The following COL18A1 variants were observed in gnomAD, a reference collection of about 807,000 sequenced individuals.
The protein encoded by COL18A1 is collagen type XVIII alpha 1 chain.
In COL18A1, 133 loss-of-function variants were observed where a neutral mutation model predicts 168.0. The observed-to-expected ratio is 0.79, with a 90% CI of 0.69 to 0.91. The LOEUF (loss-of-function observed/expected upper bound fraction) is 0.91, where lower values mean the gene tolerates loss of function less well. Among genes scored for constraint, COL18A1 ranks in the 40% least tolerant of loss-of-function variants. The pLI, the probability that COL18A1 is intolerant of heterozygous loss-of-function variation, is 0.00. For missense variants in COL18A1, 2,126 were observed against 1,925.4 expected, an observed-to-expected ratio of 1.10 and a Z score of -1.95; for synonymous variants, 949 against 809.0, an observed-to-expected ratio of 1.17 and a Z score of -2.94.
Position 45,457,337 on chromosome 21 carries a change from G to A in COL18A1, c.107-10905G>A, listed in dbSNP as rs868235516. The stretch of plus-strand genomic sequence containing the variant: ...GCTTCCTGGGAGCCCCAGCGTGCTC[G>A]GGCCAAGGGTGCTGCCGCGTGGGCA... On this transcript the variant is annotated intron_variant, in intron 2 of 41. Coordinates refer to ENST00000651438, the MANE Select transcript of COL18A1 (RefSeq NM_001379500.1). This position sits in a 1 kb window ranked among gnomAD's most constrained non-coding sequence, Gnocchi z 4.6. 2.6e-5 allele frequency among the ~76,000 whole-genome samples: 4 copies of A among 152,172 alleles called. No homozygotes were observed. The highest frequency in any genetic ancestry group is 4.1e-4 in the South Asian group (2 of 4,830).
At chr21:45,487,266 C>G (rs549632024) in intron 16 of COL18A1, among the ~76,000 whole-genome samples, 181 bp from the exon 17 acceptor site, 1 of 152,134 alleles carries the variant, frequency 6.6e-6, no homozygotes, top group South Asian at 2.1e-4. Flanking sequence ...CGGGCTGCCC[C>G]GGGGGGGCTC....
chr21:45,473,847 A>C lies in COL18A1; in HGVS notation c.652-48A>C. ...GAGCTCAAGCAGCACCGGGGTTGCC[A>C]CTGCCACCTCAGGACCGCTGGTGAC... On this transcript the variant is annotated intron_variant, in intron 3 of 41. Transcript: ENST00000651438. This position sits in a 1 kb window ranked among gnomAD's most constrained non-coding sequence, Gnocchi z 4.0. 6.7e-7 allele frequency: 1 copy of C among 1,493,894 alleles called. No individual in the cohort carries two copies. Among genetic ancestry groups the C allele is most frequent in the Non-Finnish European group, 9.1e-7 (1 of 1,093,820 alleles). The allele number at this position is 1,493,894 out of a possible 1,614,324, so 92.5% of individuals were successfully genotyped here.
At position 45,437,680 on chromosome 21, in the gene COL18A1, ACT is replaced by A. The variant is rs1312200539; in HGVS notation, c.107-30558_107-30557del. On this transcript the variant is annotated intron_variant, in intron 2 of 41. Coordinates refer to ENST00000651438, the MANE Select transcript of COL18A1 (RefSeq NM_001379500.1). ...CACACACACACTCAGACACACAGGC[ACT>A]CTCCTGCACACACACACACACACTC... Among the ~76,000 whole-genome samples the A allele has an allele frequency of 4.0e-5, 3 of 74,316 alleles. 1 individual carries two copies. The highest frequency in any genetic ancestry group is 2.4e-5 in the Non-Finnish European group (1 of 41,026). The allele number at this position is 74,316 out of a possible 152,430, so 48.8% of individuals were successfully genotyped here.
chr21:45,417,846 A>G (rs2033490288), intron 2 of COL18A1, among the ~76,000 whole-genome samples: 1 of 152,128 alleles, frequency 6.6e-6, no homozygotes, highest in Admixed American at 6.5e-5. Flanking sequence ...GGTGGGGAGA[A>G]TTGCACCGTA....
rs73907572 is a variant in COL18A1, at chr21:45,511,341, A to G, written c.3809+115A>G. ...TTTTGGACAAATCTTATACATGCTC[A>G]TTACTTTAAAATTACAAAATCCAAA... On this transcript the variant is annotated intron_variant, in intron 41 of 41. Coordinates refer to ENST00000651438, the MANE Select transcript of COL18A1 (RefSeq NM_001379500.1). 9.3e-4 allele frequency: 647 copies of G among 695,986 alleles called. 4 individuals are homozygous for G. The African/African-American group carries it at 0.011, about 11-fold the overall frequency. 43.1% of individuals were successfully genotyped at this position (695,986 alleles called of 1,614,324 possible). A position where few individuals can be genotyped will look rare whatever the true frequency, so the allele number is the denominator to read the frequency against.
chr21:45,438,622 T>A (rs1284895131), intron 2 of COL18A1, among the ~76,000 whole-genome samples: 1 of 151,724 alleles, frequency 6.6e-6, no homozygotes, highest in Admixed American at 6.6e-5. Context: ...GGAGAGGGAG[T>A]GTGTGCTGTA....
chr21:45,444,629 G>A (rs147742616), intron 2 of COL18A1, among the ~76,000 whole-genome samples: 3,491 of 152,220 alleles, frequency 0.023, 58 homozygotes, highest in Middle Eastern at 0.061. Flanking sequence ...AGCCTGGGTC[G>A]TGCAGGGCGA....
At chr21:45,455,990 C>G in intron 2 of COL18A1, 1 of 1,612,986 alleles carries the variant, frequency 6.2e-7, no homozygotes, top group African/African-American at 1.3e-5. Flanking sequence ...CCCCCTTGCC[C>G]TCGCTGGGCC....
intron 2 of COL18A1, among the ~76,000 whole-genome samples, chr21:45,444,133 C>T (rs1197253933): frequency 6.6e-6 from 1 of 152,356 alleles, no homozygotes; most frequent in Admixed American, 6.5e-5. Flanking sequence ...CGTCCCGTGG[C>T]GTCCTCTACC....
chr21:45,483,307 G>A (rs911920830), intron 15 of COL18A1, among the ~76,000 whole-genome samples: 6 of 152,208 alleles, frequency 3.9e-5, no homozygotes, highest in Admixed American at 6.5e-5. Flanking sequence ...CGGAAGGAGC[G>A]CTGAAGGCAG....
chr21:45,406,002 C>T (rs1049469675), intron 2 of COL18A1, among the ~76,000 whole-genome samples: 2 of 152,124 alleles, frequency 1.3e-5, no homozygotes, highest in African/African-American at 2.4e-5. Context: ...TCGGGTTGCG[C>T]GGTCCCCTTT....
At chr21:45,460,156 A>G (rs988312683) in intron 2 of COL18A1, among the ~76,000 whole-genome samples, 55 of 152,370 alleles carry the variant, frequency 3.6e-4, no homozygotes, top group African/African-American at 1.3e-3. Flanking sequence ...GCCTGGCCCC[A>G]GAGCGCTCTT....
intron 2 of COL18A1, among the ~76,000 whole-genome samples, chr21:45,418,043 C>T (rs923967095): frequency 4.5e-4 from 68 of 152,348 alleles, no homozygotes; most frequent in East Asian, 9.7e-4. Context: ...TGTTCGTTAA[C>T]GTGTGCCGCC....
intron 2 of COL18A1, among the ~76,000 whole-genome samples, chr21:45,458,024 G>A (rs2034900710): frequency 6.7e-6 from 1 of 148,932 alleles, no homozygotes; most frequent in Non-Finnish European, 1.5e-5. Context: ...GTGGCCGGGG[G>A]GCCACAGACA....
chr21:45,472,953 G>T (rs1484360669), intron 3 of COL18A1, among the ~76,000 whole-genome samples: 1 of 152,224 alleles, frequency 6.6e-6, no homozygotes, highest in Non-Finnish European at 1.5e-5. Flanking sequence ...TGAGCCACCT[G>T]CCTGGGCTTT....
In COL18A1 at chr21:45,488,532, C is replaced by G. The variant is rs190384598; in HGVS notation, c.1923+88C>G. ...GGCTGGGGGAGACAGGGCCTTGCCT[C>G]GGGTTTTCTGATGGCAGGAGTAGGA... On this transcript the variant is annotated intron_variant, in intron 18 of 41. Coordinates refer to ENST00000651438, the MANE Select transcript of COL18A1 (RefSeq NM_001379500.1). 2.3e-4 allele frequency: 366 copies of G among 1,592,930 alleles called. No homozygotes were observed. The African/African-American group carries it at 4.1e-3, about 18-fold the overall frequency.
chr21:45,486,589 T>C lies in COL18A1; in HGVS notation c.1702-272T>C, dbSNP rs140996656. ...CGAGGGTGCCCTGTGCACCTCCCGC[T>C]GTGCATGTGGGCCTCCCCCTGTGCA... On this transcript the variant is annotated intron_variant, in intron 15 of 41. Transcript: ENST00000651438. Among the ~76,000 whole-genome samples, 698 of 152,266 alleles carry C rather than the reference T, an allele frequency of 4.6e-3. 8 individuals carry two copies. The highest frequency in any genetic ancestry group is 8.3e-3 in the Non-Finnish European group (565 of 68,000).
Position 45,486,944 on chromosome 21 carries a change from CCCCCCTGGG to C in COL18A1, c.1800_1808del (p.Pro603_Pro605del), listed in dbSNP as rs764710670. ...CCCCCGGACCTGCTGGACCACCAGG[CCCCCCTGGG>C]CCCCCTGGGCCCCCAGGACCAGGAC... On this transcript the variant is annotated inframe_deletion, in exon 16 of 42. Coordinates refer to ENST00000651438, the MANE Select transcript of COL18A1 (RefSeq NM_001379500.1). 5.3e-4 allele frequency: 790 copies of C among 1,486,532 alleles called. 5 individuals are homozygous for C. The East Asian group carries it at 6.8e-3, about 13-fold the overall frequency. The allele number at this position is 1,486,532 out of a possible 1,614,324, so 92.1% of individuals were successfully genotyped here. A position where few individuals can be genotyped will look rare whatever the true frequency, so the allele number is the denominator to read the frequency against.
chr21:45,504,260 G>A, intron 33 of COL18A1, 156 bp from the exon 34 acceptor site: 2 of 869,850 alleles, frequency 2.3e-6, no homozygotes, highest in Non-Finnish European at 1.8e-6. Flanking sequence ...GATGCAGTGG[G>A]AGGTGGGGAG....
Sources: allele counts gnomAD v4.1 joint callset (sites outside exome capture counted in the v4.1 genomes callset), GRCh38; gene constraint gnomAD v4.1.1; non-coding constraint Gnocchi (gnomAD v3.1); transcripts MANE v1.5; gene names NCBI Gene and HGNC (gene_info 2026-07-23, HGNC 2026-07-21).